XRCC4: variants seen among roughly 807,000 people sequenced by gnomAD.
XRCC4 encodes X-ray repair cross complementing 4, also known as DNA repair protein XRCC4.
In XRCC4, 28 loss-of-function variants were observed where a neutral mutation model predicts 39.1. That is an observed-to-expected ratio of 0.72 (90% CI 0.53 to 0.98). The LOEUF (loss-of-function observed/expected upper bound fraction) is 0.98, where lower values mean the gene tolerates loss of function less well. Among genes scored for constraint, XRCC4 ranks in the 50% least tolerant of loss-of-function variants. XRCC4 has a pLI of 0.00. For synonymous variants in XRCC4, 123 were observed against 126.4 expected, an observed-to-expected ratio of 0.97 and a Z score of 0.18; for missense variants, 350 against 376.4, an observed-to-expected ratio of 0.93 and a Z score of 0.58.
At chr5:83,090,165 C>G (rs1287315489) in intron 1 of XRCC4, among the ~76,000 whole-genome samples, 1 of 152,154 alleles carries the variant, frequency 6.6e-6, no homozygotes, top group African/African-American at 2.4e-5. Flanking sequence ...GATCCTCCTT[C>G]CTAAGCCTCC....
At chr5:83,121,907 A>G (rs1010964428) in intron 3 of XRCC4, among the ~76,000 whole-genome samples, 6 of 151,954 alleles carry the variant, frequency 3.9e-5, no homozygotes, top group Admixed American at 6.6e-5. Context: ...TTTTATATGA[A>G]TATTTAGTCA....
chr5:83,323,667 G>T (rs1756151325), intron 7 of XRCC4, among the ~76,000 whole-genome samples: 2 of 151,518 alleles, frequency 1.3e-5, no homozygotes, highest in South Asian at 2.1e-4. Flanking sequence ...TTTTTCTTGT[G>T]TTCTCTTGTG....
intron 3 of XRCC4, among the ~76,000 whole-genome samples, chr5:83,167,998 TAATTA>T (rs1749560391): frequency 6.6e-6 from 1 of 152,108 alleles, no homozygotes; most frequent in African/African-American, 2.4e-5. Flanking sequence ...ATATTAAGCA[TAATTA>T]AATGTAACAA....
At chr5:83,284,757 T>A (rs1754675994) in intron 7 of XRCC4, among the ~76,000 whole-genome samples, 2 of 152,074 alleles carry the variant, frequency 1.3e-5, no homozygotes, top group Non-Finnish European at 2.9e-5. Flanking sequence ...CATTTAGGAG[T>A]AACTATGCTA....
intron 4 of XRCC4, among the ~76,000 whole-genome samples, chr5:83,198,451 G>T (rs1751041348): frequency 6.6e-6 from 1 of 152,050 alleles, no homozygotes; most frequent in Admixed American, 6.6e-5. Context: ...ATATATTAAG[G>T]TGAGATGTGC....
chr5:83,207,367 GA>G (rs1751460862), intron 6 of XRCC4, among the ~76,000 whole-genome samples: 2 of 152,004 alleles, frequency 1.3e-5, no homozygotes, highest in Admixed American at 6.6e-5. Flanking sequence ...TTTCTCTTCA[GA>G]AATGTTTAGT....
At chr5:83,245,246 A>AG in intron 6 of XRCC4, among the ~76,000 whole-genome samples, 1 of 151,816 alleles carries the variant, frequency 6.6e-6, no homozygotes, top group Non-Finnish European at 1.5e-5. Context: ...AAAAAAAAAA[A>AG]CTATTCAGCG....
At chr5:83,143,814 A>G (rs373990313) in intron 3 of XRCC4, among the ~76,000 whole-genome samples, 7 of 151,274 alleles carry the variant, frequency 4.6e-5, no homozygotes, top group Admixed American at 2.6e-4. Flanking sequence ...GTTCTTTTGC[A>G]TGTAATTGTT....
At position 83,223,026 on chromosome 5, in the gene XRCC4, G is replaced by GT. The variant is rs781186076; in HGVS notation, c.745+18106dup. Among the ~76,000 whole-genome samples the GT allele has an allele frequency of 1.2e-4, 18 of 152,272 alleles. 1 individual carries two copies. Among genetic ancestry groups the GT allele is most frequent in the Admixed American group, 6.5e-5 (1 of 15,276 alleles). On this transcript the variant is annotated intron_variant, in intron 6 of 7. Coordinates refer to ENST00000396027, the MANE Select transcript of XRCC4 (RefSeq NM_003401.5). ...GCCTCCCAAAATGCTGGGATTACAG[G>GT]TGTGAGCCTTCGTGCCTGGCAGATG... is the stretch of plus-strand genomic sequence containing the variant.
At chr5:83,287,542 G>A (rs1402461488) in intron 7 of XRCC4, among the ~76,000 whole-genome samples, 1 of 151,970 alleles carries the variant, frequency 6.6e-6, no homozygotes, top group Non-Finnish European at 1.5e-5. Flanking sequence ...TGGAGATGGA[G>A]AGAGGTATAT....
At chr5:83,205,880 G>C (rs891967332) in intron 6 of XRCC4, among the ~76,000 whole-genome samples, 1 of 151,920 alleles carries the variant, frequency 6.6e-6, no homozygotes, top group Non-Finnish European at 1.5e-5. Flanking sequence ...AGGTGAAGGT[G>C]ACATGCTGTC....
chr5:83,126,107 T>C (rs116660518), intron 3 of XRCC4, among the ~76,000 whole-genome samples: 383 of 151,870 alleles, frequency 2.5e-3, no homozygotes, highest in African/African-American at 8.9e-3. Flanking sequence ...AAAATCAGTT[T>C]TACTCTATTT....
At chr5:83,206,178 A>G (rs1340704020) in intron 6 of XRCC4, among the ~76,000 whole-genome samples, 2 of 152,150 alleles carry the variant, frequency 1.3e-5, no homozygotes, top group African/African-American at 2.4e-5. Flanking sequence ...AAATTTCAAG[A>G]GGATTAGTCT....
intron 1 of XRCC4, among the ~76,000 whole-genome samples, chr5:83,095,000 T>C (rs1745611766): frequency 6.6e-6 from 1 of 152,092 alleles, no homozygotes; most frequent in Non-Finnish European, 1.5e-5. Flanking sequence ...TGTAATCCTG[T>C]GTCCTTGTGT....
At chr5:83,135,136 G>T (rs1747829351) in intron 3 of XRCC4, among the ~76,000 whole-genome samples, 1 of 152,142 alleles carries the variant, frequency 6.6e-6, no homozygotes, top group South Asian at 2.1e-4. Flanking sequence ...GGCATCCCTT[G>T]GCTAGGAAAG....
intron 7 of XRCC4, among the ~76,000 whole-genome samples, chr5:83,278,537 A>G (rs1754415285): frequency 1.3e-5 from 2 of 152,198 alleles, no homozygotes; most frequent in African/African-American, 2.4e-5. Flanking sequence ...TCACAAGGTT[A>G]AAAAAGACAA....
At chr5:83,359,448 A>T in the XRCC4 span, among the ~76,000 whole-genome samples, 3 of 152,162 alleles carry the variant, frequency 2.0e-5, no homozygotes, top group Non-Finnish European at 2.9e-5. Flanking sequence ...AAGCCAATCT[A>T]TAAATTACCA....
intron 7 of XRCC4, among the ~76,000 whole-genome samples, chr5:83,316,669 T>G (rs1389666889): frequency 2.4e-5 from 3 of 124,704 alleles, no homozygotes; most frequent in African/African-American, 9.2e-5. Context: ...TAAATATTTA[T>G]GCACCCAATA....
chr5:83,222,945 G>T (rs1752144942), intron 6 of XRCC4, among the ~76,000 whole-genome samples: 1 of 151,964 alleles, frequency 6.6e-6, no homozygotes, highest in Non-Finnish European at 1.5e-5. Flanking sequence ...ATGAGATTTT[G>T]CCATGTTGCT....
Sources: gnomAD v4.1 joint callset for allele counts (sites outside exome capture counted in the v4.1 genomes callset) on GRCh38, gnomAD v4.1.1 for gene constraint, MANE v1.5 for transcripts, NCBI Gene and HGNC (gene_info 2026-07-23, HGNC 2026-07-21) for gene names.